Variants in SCN9A observed in about 807,000 individuals in gnomAD.
SCN9A encodes sodium channel protein type 9 subunit alpha.
A neutral mutation model predicts 187.0 loss-of-function variants in SCN9A; 131 were observed. The ratio of observed to expected loss-of-function variants is 0.70; its 90% CI spans 0.61 to 0.81. The LOEUF is 0.81. Among genes scored for constraint, SCN9A ranks in the 30% least tolerant of loss-of-function variants. SCN9A has a pLI of 0.00. For synonymous variants in SCN9A, 809 were observed against 808.6 expected, an observed-to-expected ratio of 1.00 and a Z score of -0.01; for missense variants, 2,252 against 2,396.6, an observed-to-expected ratio of 0.94 and a Z score of 1.26.
rs142153774 is a variant in SCN9A at position 166,272,711 on chromosome 2, T to C, written c.3039A>G (p.Ala1013=). 2.5e-6 allele frequency: 4 copies of C among 1,596,698 alleles called. No individual in the cohort carries two copies. Among genetic ancestry groups the C allele is most frequent in the Non-Finnish European group, 3.4e-6 (4 of 1,172,128 alleles). Residue 1013 remains alanine (A), a synonymous_variant, in exon 17 of 27, where the codon GCA becomes GCG. Coordinates refer to ENST00000642356, the MANE Select transcript of SCN9A (RefSeq NM_001365536.1). The part of the protein sequence containing the change: ...KQTLREFILK[A]FSKKPKISRE... ...TGGAAATCTTTGGCTTTTTGGAAAA[T>C]GCTTTTAGAATAAATTCACGTAAGG...
At chr2:166,288,767 GA>G (rs1439447724) in intron 9 of SCN9A, 124 bp from the exon 10 acceptor site, 6 of 646,022 alleles carry the variant, frequency 9.3e-6, no homozygotes, top group Non-Finnish European at 1.5e-5. Context: ...AATATAAAGA[GA>G]AAAGTTATAT....
chr2:166,241,798 A>G (rs1312879542), intron 19 of SCN9A, among the ~76,000 whole-genome samples: 2 of 152,132 alleles, frequency 1.3e-5, no homozygotes, highest in East Asian at 3.9e-4. Flanking sequence ...GAGCTCCTTA[A>G]GAATAAACAG....
chr2:166,308,247 T>G (rs191958942), intron 2 of SCN9A, among the ~76,000 whole-genome samples: 44 of 152,344 alleles, frequency 2.9e-4, no homozygotes, highest in African/African-American at 9.4e-4. Flanking sequence ...TAAAAAATTA[T>G]TCATCCATTC....
At chr2:166,356,965 T>C (rs1020360387) in intron 1 of SCN9A, among the ~76,000 whole-genome samples, 4 of 152,330 alleles carry the variant, frequency 2.6e-5, no homozygotes, top group African/African-American at 9.6e-5. Context: ...GCTCTTTTTG[T>C]AACTTTTATT....
intron 1 of SCN9A, among the ~76,000 whole-genome samples, chr2:166,330,160 G>T (rs1294998029): frequency 3.3e-5 from 5 of 152,112 alleles, no homozygotes; most frequent in Admixed American, 1.3e-4. Context: ...ATCAACCAAA[G>T]TTCCTGCATT....
In SCN9A at chr2:166,237,438, A is replaced by G. The variant is rs79696082; in HGVS notation, c.3801+656T>C. Among the ~76,000 whole-genome samples, 1,355 of 152,228 alleles carry G rather than the reference A, an allele frequency of 8.9e-3. 17 individuals are homozygous for G. The highest frequency in any genetic ancestry group is 0.031 in the African/African-American group (1,280 of 41,556). Reference sequence around the variant, plus strand: ...TGAATTTATTATCTAAAATTATTACATTAATAATAATGCCTACTCCTCTGC... The same window carrying G: ...TGAATTTATTATCTAAAATTATTACGTTAATAATAATGCCTACTCCTCTGC... On this transcript the variant is annotated intron_variant, in intron 20 of 26. Coordinates refer to ENST00000642356, the MANE Select transcript of SCN9A (RefSeq NM_001365536.1).
chr2:166,210,201 G>A (rs189899482), intron 24 of SCN9A, among the ~76,000 whole-genome samples: 12 of 151,964 alleles, frequency 7.9e-5, no homozygotes, highest in South Asian at 2.1e-4. Context: ...GCAAACTATC[G>A]CAAGGAAAAA....
rs1005102263 is a variant in SCN9A, at chr2:166,288,433, G to A, written c.1314+4C>T. ...AGGAAGAATTTTAAATCAAATAACAGTACCTCAGCTTCTTCTTGCTCTTTT... is the reference window on the plus strand; with the variant it reads ...AGGAAGAATTTTAAATCAAATAACAATACCTCAGCTTCTTCTTGCTCTTTT... On this transcript the variant is annotated splice_donor_region_variant and intron_variant, in intron 10 of 26. Transcript: ENST00000642356. 2 of 1,603,206 alleles carry A rather than the reference G, an allele frequency of 1.2e-6. No homozygotes were observed. The highest frequency in any genetic ancestry group is 1.7e-6 in the Non-Finnish European group (2 of 1,172,146).
chr2:166,289,033 T>C (rs1247974137), intron 9 of SCN9A, among the ~76,000 whole-genome samples: 2 of 152,102 alleles, frequency 1.3e-5, no homozygotes, highest in Non-Finnish European at 2.9e-5. Flanking sequence ...CAAATATTAA[T>C]AATATCATTG....
chr2:166,265,478 T>A (rs1696692466), intron 17 of SCN9A, among the ~76,000 whole-genome samples: 1 of 152,018 alleles, frequency 6.6e-6, no homozygotes, highest in Non-Finnish European at 1.5e-5. Flanking sequence ...TATGATAACT[T>A]GGCTATTGTG....
chr2:166,283,545 T>G (rs1697588551), intron 12 of SCN9A, among the ~76,000 whole-genome samples: 1 of 152,126 alleles, frequency 6.6e-6, no homozygotes, highest in African/African-American at 2.4e-5. Flanking sequence ...ATGAGAAAGA[T>G]CTCACTTTCA....
intron 20 of SCN9A, among the ~76,000 whole-genome samples, chr2:166,236,599 T>A (rs147443364): frequency 0.011 from 1,642 of 152,162 alleles, 29 homozygotes; most frequent in East Asian, 0.064. Context: ...TTTTTGTATT[T>A]TTTAGTAGAG....
intron 9 of SCN9A, among the ~76,000 whole-genome samples, chr2:166,290,635 T>G (rs142570225): frequency 1.1e-3 from 167 of 152,306 alleles, no homozygotes; most frequent in African/African-American, 3.7e-3. Flanking sequence ...GGTATCTCAT[T>G]GTGGTTTTGA....
intron 1 of SCN9A, among the ~76,000 whole-genome samples, chr2:166,318,852 A>G (rs1458374980): frequency 6.6e-6 from 1 of 152,166 alleles, no homozygotes; most frequent in East Asian, 1.9e-4. Flanking sequence ...ATTTTTCTAT[A>G]TATTTTAGGA....
At chr2:166,293,969 T>C (rs1014734207) in intron 8 of SCN9A, among the ~76,000 whole-genome samples, 5 of 152,160 alleles carry the variant, frequency 3.3e-5, no homozygotes, top group Non-Finnish European at 7.4e-5. Flanking sequence ...AGCAACCTTA[T>C]CCAGTTTATT....
chr2:166,289,343 C>A (rs548701214), intron 9 of SCN9A, among the ~76,000 whole-genome samples: 1 of 151,786 alleles, frequency 6.6e-6, no homozygotes, highest in African/African-American at 2.4e-5. Flanking sequence ...CTTTGCCCCC[C>A]ACCACCGACA....
intron 20 of SCN9A, among the ~76,000 whole-genome samples, chr2:166,237,148 C>A (rs1336302300): frequency 6.6e-6 from 1 of 151,184 alleles, no homozygotes; most frequent in African/African-American, 2.4e-5. Flanking sequence ...GTAAGAAAGC[C>A]ATTTTAATTA....
At chr2:166,242,460 T>C (rs991603612) in intron 19 of SCN9A, 42 bp downstream of exon 19, 5 of 1,442,932 alleles carry the variant, frequency 3.5e-6, no homozygotes, top group South Asian at 2.9e-5. Flanking sequence ...TTAAAGAATA[T>C]TGACTTAATC....
Position 166,338,753 on chromosome 2 carries a change from C to T in SCN9A, c.-50-26947G>A, listed in dbSNP as rs542349880. ...TGTTTTCTTTTCTTTCGTGACCTGA[C>T]AATTGGGCAGAATACAAATCAGTTA... is the stretch of plus-strand genomic sequence containing the variant. On this transcript the variant is annotated intron_variant, in intron 1 of 26. Transcript: ENST00000642356. 1.4e-4 allele frequency among the ~76,000 whole-genome samples: 21 copies of T among 152,138 alleles called. No homozygotes were observed. The South Asian group carries it at 4.4e-3, about 32-fold the overall frequency.
Sources: gnomAD v4.1 joint callset for allele counts (sites outside exome capture counted in the v4.1 genomes callset) on GRCh38, gnomAD v4.1.1 for gene constraint, MANE v1.5 for transcripts, NCBI Gene and HGNC (gene_info 2026-07-23, HGNC 2026-07-21) for gene names.